Variants in VSNL1 observed in about 807,000 individuals in gnomAD.
VSNL1 encodes the protein visinin-like protein 1.
A neutral mutation model predicts 20.4 loss-of-function variants in VSNL1; 6 were observed. The observed-to-expected ratio is 0.29, with a 90% CI of 0.16 to 0.58. The LOEUF is 0.58. Ranked by LOEUF, VSNL1 falls within the 20% of genes least tolerant of loss-of-function variation. The pLI is 0.90. For missense variants in VSNL1, 100 were observed against 234.5 expected, an observed-to-expected ratio of 0.43 and a Z score of 3.75; for synonymous variants, 93 against 86.4, an observed-to-expected ratio of 1.08 and a Z score of -0.42.
chr2:17,561,836 T>C (rs35890406), intron 1 of VSNL1, among the ~76,000 whole-genome samples: 9,680 of 152,234 alleles, frequency 0.064, 407 homozygotes, highest in Non-Finnish European at 0.094. Flanking sequence ...GTGGTATAAT[T>C]CTTCAGACAG....
At chr2:17,574,300 C>A (rs1664153743) in intron 1 of VSNL1, among the ~76,000 whole-genome samples, 1 of 152,010 alleles carries the variant, frequency 6.6e-6, no homozygotes, top group South Asian at 2.1e-4. Context: ...TATATATGGG[C>A]CAAAATACAG....
chr2:17,643,713 A>C (rs1427117324), intron 2 of VSNL1, among the ~76,000 whole-genome samples: 2 of 152,172 alleles, frequency 1.3e-5, no homozygotes, highest in African/African-American at 2.4e-5. Flanking sequence ...AATGTTCCCT[A>C]CAGTGACATG....
intron 2 of VSNL1, among the ~76,000 whole-genome samples, chr2:17,619,954 G>A (rs749579558): frequency 3.9e-5 from 6 of 152,004 alleles, no homozygotes; most frequent in Admixed American, 1.3e-4. Context: ...GTGGAGTCAT[G>A]CCCAGGGTCT....
chr2:17,552,360 C>G (rs2103340351), intron 1 of VSNL1, among the ~76,000 whole-genome samples: 1 of 152,222 alleles, frequency 6.6e-6, no homozygotes, highest in Non-Finnish European at 1.5e-5. Context: ...GTAATTTGCC[C>G]AAGGTCACAT....
At chr2:17,552,349 A>G (rs543796733) in intron 1 of VSNL1, among the ~76,000 whole-genome samples, 1 of 152,344 alleles carries the variant, frequency 6.6e-6, no homozygotes, top group African/African-American at 2.4e-5. Flanking sequence ...CTGAGATGAA[A>G]GTAATTTGCC....
chr2:17,587,952 TGCCATTAAGTGAAACTG>T (rs1158481712), intron 1 of VSNL1, among the ~76,000 whole-genome samples: 2 of 152,328 alleles, frequency 1.3e-5, no homozygotes, highest in African/African-American at 4.8e-5. Context: ...GGACATCATT[TGCCATTAAGTGAAACTG>T]TGCTTTCCTC....
chr2:17,574,863 C>T (rs1261576056), intron 1 of VSNL1, among the ~76,000 whole-genome samples: 1 of 152,122 alleles, frequency 6.6e-6, no homozygotes, highest in Non-Finnish European at 1.5e-5. Flanking sequence ...ACCTCCTGGG[C>T]TCAAGCAATC....
intron 2 of VSNL1, among the ~76,000 whole-genome samples, chr2:17,599,863 G>A (rs2103383662): frequency 6.6e-6 from 1 of 152,214 alleles, no homozygotes; most frequent in Non-Finnish European, 1.5e-5. Flanking sequence ...CTGTGTCCTG[G>A]GAGTCACATT....
At chr2:17,584,393 G>A (rs1179055253) in intron 1 of VSNL1, among the ~76,000 whole-genome samples, 1 of 152,098 alleles carries the variant, frequency 6.6e-6, no homozygotes, top group Admixed American at 6.5e-5. Context: ...GAGGCAGATG[G>A]CAGTTGCATC....
intron 2 of VSNL1, among the ~76,000 whole-genome samples, chr2:17,614,238 G>A (rs1236438401): frequency 6.6e-6 from 1 of 152,220 alleles, no homozygotes; most frequent in East Asian, 1.9e-4. Flanking sequence ...CGTAGACCTG[G>A]CAGCTCTTAG....
chr2:17,588,939 A>G (rs1194856726), intron 1 of VSNL1, among the ~76,000 whole-genome samples: 1 of 152,224 alleles, frequency 6.6e-6, no homozygotes, highest in East Asian at 1.9e-4. Context: ...GGAGTTACCA[A>G]GAGGCAAAAA....
At chr2:17,546,375 T>G (rs187061012) in intron 1 of VSNL1, among the ~76,000 whole-genome samples, 1 of 151,910 alleles carries the variant, frequency 6.6e-6, no homozygotes, top group East Asian at 1.9e-4. Context: ...TCTGAAAGAC[T>G]ATGAACTTTT....
Position 17,581,776 on chromosome 2 carries a change from C to T in VSNL1, c.-5-10294C>T, listed in dbSNP as rs904321158. 9.2e-5 allele frequency among the ~76,000 whole-genome samples: 14 copies of T among 152,206 alleles called. 1 individual carries two copies. Among genetic ancestry groups the T allele is most frequent in the Admixed American group, 4.6e-4 (7 of 15,282 alleles). On this transcript the variant is annotated intron_variant, in intron 1 of 3. Transcript: ENST00000295156. ...CTTCGTTTCATACGTTCTCTCTTAT[C>T]GCTCAACTGATAAGCTCTTGCTGTT...
chr2:17,629,680 G>A (rs1374094301), intron 2 of VSNL1, among the ~76,000 whole-genome samples: 1 of 152,236 alleles, frequency 6.6e-6, no homozygotes, highest in Non-Finnish European at 1.5e-5. Context: ...CCCCAGGCCT[G>A]CTGGAGGCAC....
At chr2:17,554,009 T>G (rs1249146612) in intron 1 of VSNL1, among the ~76,000 whole-genome samples, 1 of 152,180 alleles carries the variant, frequency 6.6e-6, no homozygotes, top group African/African-American at 2.4e-5. Flanking sequence ...TGGGTAGATC[T>G]AAAACCATGT....
At chr2:17,603,376 G>T (rs972006889) in intron 2 of VSNL1, among the ~76,000 whole-genome samples, 2 of 152,190 alleles carry the variant, frequency 1.3e-5, no homozygotes, top group Non-Finnish European at 2.9e-5. Flanking sequence ...GCTCTCCGAG[G>T]CCTCTTTTAT....
chr2:17,572,946 T>C (rs1488617136), intron 1 of VSNL1, among the ~76,000 whole-genome samples: 3 of 152,240 alleles, frequency 2.0e-5, no homozygotes, highest in Admixed American at 2.0e-4. Context: ...AATGTTTTAT[T>C]CATTCATCAT....
intron 1 of VSNL1, among the ~76,000 whole-genome samples, chr2:17,581,097 T>A (rs1664339694): frequency 6.6e-6 from 1 of 152,358 alleles, no homozygotes; most frequent in Middle Eastern, 3.4e-3. Flanking sequence ...GACTTAACAA[T>A]TTATTACAAT....
At chr2:17,625,840 ATTTT>A (rs35795117) in intron 2 of VSNL1, among the ~76,000 whole-genome samples, 1 of 108,538 alleles carries the variant, frequency 9.2e-6, no homozygotes, top group African/African-American at 3.6e-5. Context: ...TCCTTAGCTG[ATTTT>A]TTTTTTTTTT....
Sources: gnomAD v4.1 joint callset for allele counts (sites outside exome capture counted in the v4.1 genomes callset) on GRCh38, gnomAD v4.1.1 for gene constraint, MANE v1.5 for transcripts, NCBI Gene and HGNC (gene_info 2026-07-23, HGNC 2026-07-21) for gene names.